The following MALRD1 variants were observed in gnomAD, a reference collection of about 807,000 sequenced individuals.
MALRD1 encodes the protein MAM and LDL receptor class A domain containing 1, also known as MAM and LDL-receptor class A domain-containing protein 1.
Under a neutral mutation model 242.1 loss-of-function variants are expected in MALRD1, and 247 were observed. That is an observed-to-expected ratio of 1.02 (90% CI 0.92 to 1.13). MALRD1 has a LOEUF of 1.13. Among genes scored for constraint, MALRD1 ranks in the 50% most tolerant of loss-of-function variants. The probability of loss-of-function intolerance (pLI) is 0.00; values close to 1 mark genes in which losing one functional copy is unlikely to be tolerated. For missense variants in MALRD1, 2,989 were observed against 2,533.1 expected (o/e 1.18, Z -3.86); for synonymous variants, 995 against 866.6 (o/e 1.15, Z -2.60).
rs1181301145 is a variant in MALRD1 at position 19,731,260 on chromosome 10, T to C, written c.6390+479T>C. 2.0e-5 allele frequency among the ~76,000 whole-genome samples: 3 copies of C among 152,210 alleles called. No homozygotes were observed. In the East Asian group the frequency reaches 5.8e-4, roughly 29 times the overall value. ...AAAACAAATGAGAATGTATTACATCTTCCTTGGCCCTTTTTGGGGCTACCC... is the reference window on the plus strand; with the variant it reads ...AAAACAAATGAGAATGTATTACATCCTCCTTGGCCCTTTTTGGGGCTACCC... On this transcript the variant is annotated intron_variant, in intron 39 of 39. Coordinates refer to ENST00000454679, the MANE Select transcript of MALRD1 (RefSeq NM_001142308.3).
intron 36 of MALRD1, among the ~76,000 whole-genome samples, chr10:19,660,310 C>G (rs1280431703): frequency 6.6e-6 from 1 of 152,110 alleles, no homozygotes; most frequent in African/African-American, 2.4e-5. Flanking sequence ...GTTATACAGC[C>G]ACATCAGCAC....
chr10:19,651,981 T>C (rs1564516839), intron 36 of MALRD1, among the ~76,000 whole-genome samples: 2 of 152,204 alleles, frequency 1.3e-5, no homozygotes, highest in Non-Finnish European at 2.9e-5. Context: ...ACAGAGCTGA[T>C]GGAGAAGGGG....
At chr10:19,629,615 A>G (rs2131643593) in intron 36 of MALRD1, among the ~76,000 whole-genome samples, 1 of 152,260 alleles carries the variant, frequency 6.6e-6, no homozygotes, top group Admixed American at 6.5e-5. Flanking sequence ...GTTGAAAATG[A>G]CACCTCTTCT....
At position 19,209,362 on chromosome 10, in the gene MALRD1, T is replaced by C. The variant is rs749867735; in HGVS notation, c.2673T>C (p.Thr891=). 5.2e-6 allele frequency: 8 copies of C among 1,550,916 alleles called. No individual in the cohort carries two copies. The South Asian group carries it at 9.5e-5, about 18-fold the overall frequency. ...ATTGGACCAGGAGCCAGGGTCCAAC[T>C]CCAACACTTAACACAGGGCCAATGA... is the stretch of plus-strand genomic sequence containing the variant. ...DFDWTRSQGP[T]PTLNTGPMKD... is the part of the protein sequence containing the mutation. Residue 891 remains threonine (T), a synonymous_variant, in exon 18 of 40, where the codon ACT becomes ACC. Coordinates refer to ENST00000454679, the MANE Select transcript of MALRD1 (RefSeq NM_001142308.3).
chr10:19,270,415 C>T (rs1385163236), intron 19 of MALRD1, among the ~76,000 whole-genome samples: 1 of 150,366 alleles, frequency 6.7e-6, no homozygotes, highest in Non-Finnish European at 1.5e-5. Flanking sequence ...GACCAGATGA[C>T]CTAAAAACTG....
rs75073318 is a variant in MALRD1 at position 19,409,558 on chromosome 10, C to T, written c.4845+19949C>T. ...AGCAGGTACAGCTATTAGAGAGTAA[C>T]ATGAAGAATATTATCAATCCTTGTG... On this transcript the variant is annotated intron_variant, in intron 28 of 39. Transcript: ENST00000454679. 9.0e-3 allele frequency among the ~76,000 whole-genome samples: 1,365 copies of T among 152,180 alleles called. 28 individuals carry two copies. Among genetic ancestry groups the T allele is most frequent in the African/African-American group, 0.031 (1,284 of 41,532 alleles).
chr10:19,249,017 TATA>T (rs1839186446), intron 18 of MALRD1, among the ~76,000 whole-genome samples: 1 of 147,572 alleles, frequency 6.8e-6, no homozygotes, highest in South Asian at 2.1e-4. Context: ...ATTTATATGA[TATA>T]TAATATAAAT....
chr10:19,692,709 G>C (rs2131824604), intron 38 of MALRD1, among the ~76,000 whole-genome samples, 155 bp downstream of exon 38: 1 of 151,280 alleles, frequency 6.6e-6, no homozygotes, highest in Non-Finnish European at 1.5e-5. Context: ...GCAGAAAAGA[G>C]GAGCTACCTA....
intron 38 of MALRD1, chr10:19,721,567 A>G (rs534453467): frequency 5.9e-5 from 9 of 152,344 alleles, no homozygotes; most frequent in African/African-American, 1.9e-4. Context: ...AACAAATCAC[A>G]TACTTCACAA....
At chr10:19,458,282 A>G (rs1020738184) in intron 29 of MALRD1, among the ~76,000 whole-genome samples, 2 of 152,224 alleles carry the variant, frequency 1.3e-5, no homozygotes, top group Non-Finnish European at 2.9e-5. Flanking sequence ...ATTAACAAAA[A>G]GTGTCAAAGT....
chr10:19,306,107 A>ATATATAC (rs1842176319), intron 21 of MALRD1, among the ~76,000 whole-genome samples: 3 of 89,724 alleles, frequency 3.3e-5, no homozygotes, highest in African/African-American at 1.5e-4. Context: ...ACTAGATAGT[A>ATATATAC]TATATATACT....
At chr10:19,190,283 T>C (rs1236255833) in intron 14 of MALRD1, among the ~76,000 whole-genome samples, 1 of 152,002 alleles carries the variant, frequency 6.6e-6, no homozygotes, top group African/African-American at 2.4e-5. Context: ...ATAAAAAACA[T>C]TTCTGAAATA....
chr10:19,096,769 G>T (rs1416593980), intron 4 of MALRD1, among the ~76,000 whole-genome samples: 1 of 152,118 alleles, frequency 6.6e-6, no homozygotes, highest in Non-Finnish European at 1.5e-5. Context: ...TTCCATGCTG[G>T]CTTCTAATAG....
chr10:19,216,937 C>G lies in MALRD1; in HGVS notation c.2991+7257C>G, dbSNP rs180898483. Reference sequence around the variant, plus strand: ...CTCCAGCCTGGGTGACAGAGCGAGACTCCGTCTCAAAAAAAAAAAAATAAA... The same window carrying G: ...CTCCAGCCTGGGTGACAGAGCGAGAGTCCGTCTCAAAAAAAAAAAAATAAA... On this transcript the variant is annotated intron_variant, in intron 18 of 39. Transcript: ENST00000454679. 8.3e-3 allele frequency among the ~76,000 whole-genome samples: 1,163 copies of G among 140,794 alleles called. 11 individuals are homozygous for G. Among genetic ancestry groups the G allele is most frequent in the Middle Eastern group, 0.03 (7 of 234 alleles). The allele number at this position is 140,794 out of a possible 152,430, so 92.4% of individuals were successfully genotyped here. A position where few individuals can be genotyped will look rare whatever the true frequency, so the allele number is the denominator to read the frequency against.
intron 33 of MALRD1, among the ~76,000 whole-genome samples, chr10:19,573,058 G>A (rs1386401552): frequency 6.6e-6 from 1 of 152,142 alleles, no homozygotes; most frequent in Non-Finnish European, 1.5e-5. Flanking sequence ...GTCAAGAACT[G>A]GGTGCAGATG....
At chr10:19,468,329 T>A (rs3904900) in intron 29 of MALRD1, among the ~76,000 whole-genome samples, 123,896 of 152,110 alleles carry the variant, frequency 0.81, 50,655 homozygotes, top group East Asian at 1. Context: ...GCATAGTCCA[T>A]AATATTAAAA....
intron 18 of MALRD1, among the ~76,000 whole-genome samples, chr10:19,253,194 G>C (rs1185778485): frequency 2.0e-5 from 3 of 151,886 alleles, no homozygotes; most frequent in African/African-American, 7.2e-5. Flanking sequence ...GAGAGCGTAA[G>C]TATTTGTCCT....
intron 28 of MALRD1, among the ~76,000 whole-genome samples, chr10:19,409,620 T>C (rs1589036064): frequency 6.6e-6 from 1 of 152,302 alleles, no homozygotes; most frequent in Admixed American, 6.5e-5. Context: ...TGTATTTGTG[T>C]CAATATCCTA....
intron 14 of MALRD1, among the ~76,000 whole-genome samples, chr10:19,199,407 A>G (rs2131603336): frequency 6.6e-6 from 1 of 152,366 alleles, no homozygotes; most frequent in South Asian, 2.1e-4. Flanking sequence ...TTAAGAGGAT[A>G]GCCTTTGCCA....
Sources: allele counts gnomAD v4.1 joint callset (sites outside exome capture counted in the v4.1 genomes callset), GRCh38; gene constraint gnomAD v4.1.1; transcripts MANE v1.5; gene names NCBI Gene and HGNC (gene_info 2026-07-23, HGNC 2026-07-21).